Variants in DPYSL5 observed in about 807,000 individuals in gnomAD.
The protein encoded by DPYSL5 is dihydropyrimidinase-related protein 5.
In DPYSL5, 9 loss-of-function variants were observed where a neutral mutation model predicts 58.4. The ratio of observed to expected loss-of-function variants is 0.15; its 90% CI spans 0.09 to 0.27. DPYSL5 has a LOEUF of 0.27. Ranked by LOEUF, DPYSL5 falls within the 10% of genes least tolerant of loss-of-function variation. The pLI, the probability that DPYSL5 is intolerant of heterozygous loss-of-function variation, is 1.00. For missense variants in DPYSL5, 499 were observed against 770.6 expected (o/e 0.65, Z 4.17); for synonymous variants, 293 against 301.9 (o/e 0.97, Z 0.31).
chr2:26,886,301 C>T (rs1162555596), intron 1 of DPYSL5, among the ~76,000 whole-genome samples: 1 of 152,080 alleles, frequency 6.6e-6, no homozygotes, highest in Non-Finnish European at 1.5e-5. Context: ...AGAAGTAGGA[C>T]ATGGTCAGAT....
intron 1 of DPYSL5, among the ~76,000 whole-genome samples, chr2:26,878,180 G>A (rs1410583958): frequency 2.6e-5 from 4 of 152,196 alleles, no homozygotes; most frequent in Non-Finnish European, 5.9e-5. Context: ...ACATTGTTCT[G>A]TGTGCTATTA....
At chr2:26,865,559 C>T (rs555121971) in intron 1 of DPYSL5, among the ~76,000 whole-genome samples, 1 of 152,150 alleles carries the variant, frequency 6.6e-6, no homozygotes, top group Middle Eastern at 3.4e-3. Flanking sequence ...GTGATCCTTC[C>T]GTCTTGGCCT....
intron 1 of DPYSL5, among the ~76,000 whole-genome samples, chr2:26,864,205 A>G (rs1666086976): frequency 6.6e-6 from 1 of 152,234 alleles, no homozygotes; most frequent in African/African-American, 2.4e-5. Flanking sequence ...AGATCGCTCC[A>G]CTGCACTCCA....
chr2:26,928,354 C>T (rs770353220), intron 5 of DPYSL5, 31 bp downstream of exon 5: 20 of 1,607,818 alleles, frequency 1.2e-5, no homozygotes, highest in South Asian at 7.7e-5. Flanking sequence ...CCTTTGTCAG[C>T]GTCTCTCATG....
At chr2:26,903,151 C>T (rs1266967540) in intron 2 of DPYSL5, among the ~76,000 whole-genome samples, 1 of 151,740 alleles carries the variant, frequency 6.6e-6, no homozygotes, top group African/African-American at 2.4e-5. Flanking sequence ...CTCACTGCAA[C>T]CTCTGTCGCC....
chr2:26,935,012 C>G (rs1487047082), intron 8 of DPYSL5, among the ~76,000 whole-genome samples: 1 of 152,206 alleles, frequency 6.6e-6, no homozygotes, highest in Non-Finnish European at 1.5e-5. Flanking sequence ...TGATCTCTTA[C>G]TCTAAAGCCC....
rs188966801 is a variant in DPYSL5, at chr2:26,949,245, G to A, written c.*2250G>A. On this transcript the variant is annotated 3_prime_UTR_variant, in exon 13 of 13. Transcript: ENST00000288699. ...AACCTCATGCACATTCTGTGTTTGA[G>A]CCAAGACTAGTCACCCATTGGGGGC... is the stretch of plus-strand genomic sequence containing the variant. 6.6e-6 allele frequency: 1 copy of A among 152,300 alleles called. No individual in the cohort carries two copies. The highest frequency in any genetic ancestry group is 2.4e-5 in the African/African-American group (1 of 41,540). The allele number at this position is 152,300 out of a possible 1,614,324, so 9.4% of individuals were successfully genotyped here. A position where few individuals can be genotyped will look rare whatever the true frequency, so the allele number is the denominator to read the frequency against.
intron 9 of DPYSL5, among the ~76,000 whole-genome samples, chr2:26,940,937 AT>A (rs67016261): frequency 0.058 from 2,340 of 40,590 alleles, 41 homozygotes; most frequent in African/African-American, 0.089. Context: ...TATTATTATT[AT>A]TTATTTTTTT....
chr2:26,931,695 C>T lies in DPYSL5; in HGVS notation c.714+11C>T, dbSNP rs745513904. Reference sequence around the variant, plus strand: ...ACCATTGCAAACAGGGTAAGTCCCCCGATGTCCACTGTGGGATTAGAAACC... The same window carrying T: ...ACCATTGCAAACAGGGTAAGTCCCCTGATGTCCACTGTGGGATTAGAAACC... On this transcript the variant is annotated intron_variant, in intron 6 of 12. Coordinates refer to ENST00000288699, the MANE Select transcript of DPYSL5 (RefSeq NM_020134.4). 21 of 1,613,526 alleles carry T rather than the reference C, an allele frequency of 1.3e-5. No homozygotes were observed. The highest frequency in any genetic ancestry group is 2.7e-5 in the African/African-American group (2 of 74,866).
chr2:26,894,370 C>T (rs889180477), intron 1 of DPYSL5, among the ~76,000 whole-genome samples: 6 of 152,314 alleles, frequency 3.9e-5, no homozygotes, highest in East Asian at 3.9e-4. Flanking sequence ...AATGCAAACT[C>T]GCTTATATGC....
rs752705675 is a variant in DPYSL5 at position 26,877,823 on chromosome 2, C to G, written c.-4-20673C>G. 6.6e-6 allele frequency among the ~76,000 whole-genome samples: 1 copy of G among 152,204 alleles called. No homozygotes were observed. The highest frequency in any genetic ancestry group is 1.5e-5 in the Non-Finnish European group (1 of 68,040). ...GTTTTGTCCTGTAAACTACTTTCTT[C>G]ACTCATAACCTCCCATGTCAATACT... On this transcript the variant is annotated intron_variant, in intron 1 of 12. Coordinates refer to ENST00000288699, the MANE Select transcript of DPYSL5 (RefSeq NM_020134.4). This position sits in a 1 kb window ranked among gnomAD's most constrained non-coding sequence, Gnocchi z 4.1.
chr2:26,886,500 C>G (rs1663724256), intron 1 of DPYSL5, among the ~76,000 whole-genome samples: 1 of 152,284 alleles, frequency 6.6e-6, no homozygotes, highest in East Asian at 1.9e-4. Flanking sequence ...TCTGAAGTAA[C>G]TACTAATTAT....
rs531719106 is a variant in DPYSL5, at chr2:26,932,137, GAGAAAGAAAGAAAGAA to G, written c.714+511_714+526del. Among the ~76,000 whole-genome samples the G allele has an allele frequency of 2.7e-3, 159 of 59,744 alleles. 6 individuals carry two copies. Among genetic ancestry groups the G allele is most frequent in the African/African-American group, 9.6e-3 (132 of 13,798 alleles). 39.2% of individuals were successfully genotyped at this position (59,744 alleles called of 152,430 possible). ...GAAAAAAGAAAGAGAAAGAAAGAAA[GAGAAAGAAAGAAAGAA>G]AGAAAGAAAGAAAGAAAGAAAGAAA... On this transcript the variant is annotated intron_variant, in intron 6 of 12. Transcript: ENST00000288699.
intron 1 of DPYSL5, among the ~76,000 whole-genome samples, chr2:26,894,054 A>G (rs1663954628): frequency 6.7e-6 from 1 of 148,638 alleles, no homozygotes; most frequent in Non-Finnish European, 1.5e-5. Flanking sequence ...AAATATAACA[A>G]TTTTATATAC....
intron 1 of DPYSL5, among the ~76,000 whole-genome samples, chr2:26,867,423 C>T (rs1432820631): frequency 1.3e-5 from 2 of 150,194 alleles, no homozygotes; most frequent in East Asian, 1.9e-4. Context: ...GATGGACATT[C>T]GGTTTGTTCC....
chr2:26,877,681 C>T lies in DPYSL5; in HGVS notation c.-4-20815C>T, dbSNP rs985780130. ...CAATATTTTTAAAATTATATAGTAC[C>T]AAGAGATTGAGTTCCACTGTAATTC... On this transcript the variant is annotated intron_variant, in intron 1 of 12. Transcript: ENST00000288699. The surrounding 1 kb of genome is among the most constrained non-coding windows in gnomAD (Gnocchi z 4.1). Among the ~76,000 whole-genome samples, 1 of 152,058 alleles carries T rather than the reference C, an allele frequency of 6.6e-6. No individual in the cohort carries two copies. The highest frequency in any genetic ancestry group is 2.4e-5 in the African/African-American group (1 of 41,396).
intron 1 of DPYSL5, among the ~76,000 whole-genome samples, chr2:26,880,809 G>A (rs1044098708): frequency 2.6e-5 from 4 of 152,182 alleles, no homozygotes; most frequent in African/African-American, 9.7e-5. Context: ...CGCCATCTCC[G>A]TGGTTCTTAC....
chr2:26,918,709 A>T (rs1213037527), intron 2 of DPYSL5, among the ~76,000 whole-genome samples: 1 of 152,162 alleles, frequency 6.6e-6, no homozygotes, highest in Non-Finnish European at 1.5e-5. Context: ...CTCTATAAAG[A>T]TTCAGTTGGC....
chr2:26,867,520 A>T (rs1572676295), intron 1 of DPYSL5, among the ~76,000 whole-genome samples: 1 of 131,380 alleles, frequency 7.6e-6, no homozygotes, highest in East Asian at 2.2e-4. Context: ...CGGTGGCGGG[A>T]TCTCGGCTCA....
Sources: gnomAD v4.1 joint callset for allele counts (sites outside exome capture counted in the v4.1 genomes callset) on GRCh38, gnomAD v4.1.1 for gene constraint, Gnocchi (gnomAD v3.1) non-coding constraint, MANE v1.5 for transcripts, NCBI Gene and HGNC (gene_info 2026-07-23, HGNC 2026-07-21) for gene names.